Variants in COL23A1 observed in about 807,000 individuals in gnomAD.
COL23A1 encodes the protein collagen type XXIII alpha 1 chain.
Under a neutral mutation model 99.3 loss-of-function variants are expected in COL23A1, and 97 were observed. The observed-to-expected ratio is 0.98, with a 90% CI of 0.83 to 1.16. The LOEUF (loss-of-function observed/expected upper bound fraction) is 1.16, where lower values mean the gene tolerates loss of function less well. COL23A1 is among the 50% of genes most tolerant of loss of function. The probability of loss-of-function intolerance (pLI) is 0.00; values close to 1 mark genes in which losing one functional copy is unlikely to be tolerated. For synonymous variants in COL23A1, 320 were observed against 308.2 expected, an observed-to-expected ratio of 1.04 and a Z score of -0.40; for missense variants, 762 against 757.4, an observed-to-expected ratio of 1.01 and a Z score of -0.07.
chr5:178,476,521 G>C (rs967126380), intron 2 of COL23A1, among the ~76,000 whole-genome samples: 4 of 152,166 alleles, frequency 2.6e-5, no homozygotes, highest in African/African-American at 9.7e-5. Flanking sequence ...AATCATGAGA[G>C]TAATACCGCA....
rs1432003904 is a variant in COL23A1 at position 178,256,854 on chromosome 5, C to G, written c.837+12G>C. On this transcript the variant is annotated intron_variant, in intron 14 of 28. Transcript: ENST00000390654. ...GGCCCGCAGGCGCCAGAGCAGAGAG[C>G]TCTCATGTCACCTTCGGTCCTGGGG... is the stretch of plus-strand genomic sequence containing the variant. 3 of 1,611,674 alleles carry G rather than the reference C, an allele frequency of 1.9e-6. No individual in the cohort carries two copies. Among genetic ancestry groups the G allele is most frequent in the Admixed American group, 1.7e-5 (1 of 59,794 alleles).
At position 178,387,612 on chromosome 5, in the gene COL23A1, C is replaced by T. The variant is rs2127746324; in HGVS notation, c.362-80693G>A. ...GTTTGCCTGAGCCTCCCCTCCTGGACCAATAACTTCTAGAGGCTCATGACC... is the reference window on the plus strand; with the variant it reads ...GTTTGCCTGAGCCTCCCCTCCTGGATCAATAACTTCTAGAGGCTCATGACC... On this transcript the variant is annotated intron_variant, in intron 2 of 28. Coordinates refer to ENST00000390654, the MANE Select transcript of COL23A1 (RefSeq NM_173465.4). This position sits in a 1 kb window ranked among gnomAD's most constrained non-coding sequence, Gnocchi z 4.7. 6.6e-6 allele frequency among the ~76,000 whole-genome samples: 1 copy of T among 152,280 alleles called. No homozygotes were observed. The highest frequency in any genetic ancestry group is 1.9e-4 in the East Asian group (1 of 5,184).
chr5:178,385,238 C>T (rs1259263608), intron 2 of COL23A1, among the ~76,000 whole-genome samples: 1 of 152,174 alleles, frequency 6.6e-6, no homozygotes, highest in Non-Finnish European at 1.5e-5. Flanking sequence ...GCCTTCCGCT[C>T]TGGCAGGGTG....
rs892236355 is a variant in COL23A1 at position 178,587,266 on chromosome 5, T to A, written c.294+2638A>T. ...TCATGGCTCTTACTCAGAAATCTTG[T>A]TTATCTCTTCCTTTGTGTGCCATGG... On this transcript the variant is annotated intron_variant, in intron 1 of 28. Transcript: ENST00000390654. 3.9e-5 allele frequency among the ~76,000 whole-genome samples: 6 copies of A among 152,298 alleles called. 1 individual carries two copies. Among genetic ancestry groups the A allele is most frequent in the South Asian group, 4.1e-4 (2 of 4,822 alleles).
chr5:178,502,846 A>C (rs1758646686), intron 2 of COL23A1, among the ~76,000 whole-genome samples: 1 of 152,192 alleles, frequency 6.6e-6, no homozygotes, highest in African/African-American at 2.4e-5. Flanking sequence ...AAAAACTGGA[A>C]ATACCCGAAG....
At chr5:178,471,787 C>G (rs563639215) in intron 2 of COL23A1, among the ~76,000 whole-genome samples, 1 of 152,260 alleles carries the variant, frequency 6.6e-6, no homozygotes, top group African/African-American at 2.4e-5. Flanking sequence ...TAGCCCAGAG[C>G]CCACTGGAAT....
intron 10 of COL23A1, 133 bp from the exon 11 acceptor site, chr5:178,261,881 A>G: frequency 3.8e-6 from 3 of 785,848 alleles, no homozygotes; most frequent in Non-Finnish European, 6.4e-6. Context: ...CGTCAGAAGC[A>G]GGCTGGAGCT....
intron 2 of COL23A1, among the ~76,000 whole-genome samples, chr5:178,489,967 T>C (rs1251154260): frequency 6.6e-6 from 1 of 151,956 alleles, no homozygotes; most frequent in Non-Finnish European, 1.5e-5. Flanking sequence ...GGTGTGGTGG[T>C]TCACTCCTGT....
intron 2 of COL23A1, among the ~76,000 whole-genome samples, chr5:178,357,741 TAC>T (rs1380859326): frequency 2.5e-4 from 36 of 146,320 alleles, no homozygotes; most frequent in Non-Finnish European, 2.6e-4. Context: ...TGTGTGTATG[TAC>T]GTGTATGTGT....
At chr5:178,456,808 C>G (rs1253180596) in intron 2 of COL23A1, among the ~76,000 whole-genome samples, 1 of 151,632 alleles carries the variant, frequency 6.6e-6, no homozygotes. Context: ...ACAAACGTAA[C>G]GAAGGATTGT....
At chr5:178,401,131 A>C (rs192573641) in intron 2 of COL23A1, among the ~76,000 whole-genome samples, 2 of 152,358 alleles carry the variant, frequency 1.3e-5, no homozygotes, top group East Asian at 3.9e-4. Flanking sequence ...GGCATATTTC[A>C]CTTAGCATAA....
chr5:178,261,801 G>A lies in COL23A1; in HGVS notation c.676-53C>T, dbSNP rs1179419095. 11 of 1,445,654 alleles carry A rather than the reference G, an allele frequency of 7.6e-6. No homozygotes were observed. The East Asian group carries it at 2.5e-4, about 33-fold the overall frequency. The allele number at this position is 1,445,654 out of a possible 1,614,324, so 89.6% of individuals were successfully genotyped here. On this transcript the variant is annotated intron_variant, in intron 10 of 28. Transcript: ENST00000390654. ...ATGTCATACTGGAGGCTGCTCCTGG[G>A]CCTGTCCTTCTTAGCATCCTGGCTT...
At chr5:178,261,590 G>A (rs1765627180) in intron 11 of COL23A1, 132 bp downstream of exon 11, 1 of 681,976 alleles carries the variant, frequency 1.5e-6, no homozygotes. Flanking sequence ...CCATGGTCCA[G>A]GAATTTGATC....
At chr5:178,270,553 C>T (rs1196279373) in intron 5 of COL23A1, among the ~76,000 whole-genome samples, 190 bp from the exon 6 acceptor site, 1 of 152,200 alleles carries the variant, frequency 6.6e-6, no homozygotes, top group Non-Finnish European at 1.5e-5. Context: ...CCCAGAATCC[C>T]CTCCTCTGAC....
chr5:178,258,262 T>TATATACATACAC lies in COL23A1; in HGVS notation c.730-696_730-695insGTGTATGTATAT. Among the ~76,000 whole-genome samples, 7 of 104,128 alleles carry TATATACATACAC rather than the reference T, an allele frequency of 6.7e-5. 1 individual carries two copies. The highest frequency in any genetic ancestry group is 2.1e-4 in the Admixed American group (2 of 9,652). The allele number at this position is 104,128 out of a possible 152,430, so 68.3% of individuals were successfully genotyped here. A position where few individuals can be genotyped will look rare whatever the true frequency, so the allele number is the denominator to read the frequency against. On this transcript the variant is annotated intron_variant, in intron 12 of 28. Coordinates refer to ENST00000390654, the MANE Select transcript of COL23A1 (RefSeq NM_173465.4). ...ATATATATATATATATATATATATA[T>TATATACATACAC]ACACATGCAAATCAATTCTAGGCAC... is the stretch of plus-strand genomic sequence containing the variant.
In COL23A1 at chr5:178,513,850, T is replaced by C. The variant is rs189256266; in HGVS notation, c.361+46832A>G. On this transcript the variant is annotated intron_variant, in intron 2 of 28. Transcript: ENST00000390654. ...GTCTCCTGCCTAACTTTTTCCATCA[T>C]CTTCTGCTTTTTTAAAAAATTATTT... Among the ~76,000 whole-genome samples, 26 of 127,992 alleles carry C rather than the reference T, an allele frequency of 2.0e-4. No homozygotes were observed. The East Asian group carries it at 4.5e-3, about 22-fold the overall frequency. 84.0% of individuals were successfully genotyped at this position (127,992 alleles called of 152,430 possible).
chr5:178,309,711 CG>C lies in COL23A1; in HGVS notation c.362-2793del, dbSNP rs1363189901. Among the ~76,000 whole-genome samples, 42 of 146,820 alleles carry C rather than the reference CG, an allele frequency of 2.9e-4. No individual in the cohort carries two copies. The highest frequency in any genetic ancestry group is 4.8e-4 in the Admixed American group (7 of 14,728). On this transcript the variant is annotated intron_variant, in intron 2 of 28. Coordinates refer to ENST00000390654, the MANE Select transcript of COL23A1 (RefSeq NM_173465.4). This position sits in a 1 kb window ranked among gnomAD's most constrained non-coding sequence, Gnocchi z 4.7. ...AGCAGTCAAGCCAGAGACCCCCCCC[CG>C]GGCATCATCCTGCCCCAGCCCCCAA...
At chr5:178,483,525 A>G (rs989913479) in intron 2 of COL23A1, among the ~76,000 whole-genome samples, 1 of 152,230 alleles carries the variant, frequency 6.6e-6, no homozygotes, top group Non-Finnish European at 1.5e-5. Context: ...GTGGGAAGGC[A>G]CATGTGAAAA....
intron 2 of COL23A1, among the ~76,000 whole-genome samples, chr5:178,490,419 A>C (rs1485201424): frequency 1.3e-5 from 2 of 152,100 alleles, no homozygotes; most frequent in Admixed American, 1.3e-4. Flanking sequence ...GCAGAAGTAG[A>C]ATAGAGGTTA....
Sources: gnomAD v4.1 joint callset for allele counts (sites outside exome capture counted in the v4.1 genomes callset) on GRCh38, gnomAD v4.1.1 for gene constraint, Gnocchi (gnomAD v3.1) non-coding constraint, MANE v1.5 for transcripts, NCBI Gene and HGNC (gene_info 2026-07-23, HGNC 2026-07-21) for gene names.